RAPGEF4: variants seen among roughly 807,000 people sequenced by gnomAD.
RAPGEF4 encodes the protein Rap guanine nucleotide exchange factor 4.
RAPGEF4 carries 66 observed loss-of-function variants against 147.9 expected under a neutral mutation model. That is an observed-to-expected ratio of 0.45 (90% CI 0.37 to 0.55). RAPGEF4 has a LOEUF of 0.55. Among genes scored for constraint, RAPGEF4 ranks in the 20% least tolerant of loss-of-function variants. The pLI is 0.00. For missense variants in RAPGEF4, 1,071 were observed against 1,257.3 expected, an observed-to-expected ratio of 0.85 and a Z score of 2.24; for synonymous variants, 419 against 442.7, an observed-to-expected ratio of 0.95 and a Z score of 0.67.
At chr2:172,904,231 C>T (rs559490152) in intron 4 of RAPGEF4, among the ~76,000 whole-genome samples, 1 of 152,238 alleles carries the variant, frequency 6.6e-6, no homozygotes, top group East Asian at 1.9e-4. Flanking sequence ...ATATTCATCA[C>T]CCCTTGAAGA....
At chr2:172,959,103 A>G (rs1689027827) in intron 6 of RAPGEF4, among the ~76,000 whole-genome samples, 1 of 152,232 alleles carries the variant, frequency 6.6e-6, no homozygotes, top group African/African-American at 2.4e-5. Flanking sequence ...TCAGTTTTCC[A>G]TGACTGCTAT....
intron 4 of RAPGEF4, among the ~76,000 whole-genome samples, chr2:172,913,520 T>A (rs1047606805): frequency 2.0e-5 from 3 of 152,178 alleles, no homozygotes; most frequent in African/African-American, 7.2e-5. Flanking sequence ...AGCTGGGAGC[T>A]AGAATTATCT....
At chr2:173,011,130 T>A (rs1694958047) in intron 17 of RAPGEF4, among the ~76,000 whole-genome samples, 1 of 149,970 alleles carries the variant, frequency 6.7e-6, no homozygotes, top group South Asian at 2.1e-4. Context: ...CTAAACATGC[T>A]GAATCAGCTG....
chr2:172,914,090 G>A (rs1254423395), intron 4 of RAPGEF4, among the ~76,000 whole-genome samples: 3 of 152,108 alleles, frequency 2.0e-5, no homozygotes, highest in South Asian at 4.2e-4. Flanking sequence ...TCTTTGTCAT[G>A]GCGTCATACT....
chr2:172,826,613 C>T (rs146357145), intron 4 of RAPGEF4, among the ~76,000 whole-genome samples: 248 of 152,272 alleles, frequency 1.6e-3, no homozygotes, highest in African/African-American at 5.7e-3. Context: ...TAGAGATACA[C>T]CTGTTCCCAG....
intron 4 of RAPGEF4, among the ~76,000 whole-genome samples, chr2:172,866,676 A>G (rs2149795253): frequency 6.6e-6 from 1 of 152,090 alleles, no homozygotes; most frequent in South Asian, 2.1e-4. Context: ...TTTTAACCCC[A>G]AAATGGTGCA....
At chr2:172,946,006 G>GT (rs538096154) in intron 6 of RAPGEF4, among the ~76,000 whole-genome samples, 66 of 152,264 alleles carry the variant, frequency 4.3e-4, no homozygotes, top group African/African-American at 1.5e-3. Flanking sequence ...ATATGAGTGG[G>GT]TAAGGGGAAC....
intron 6 of RAPGEF4, among the ~76,000 whole-genome samples, chr2:172,931,015 C>G (rs1031525694): frequency 6.6e-6 from 1 of 151,928 alleles, no homozygotes; most frequent in Non-Finnish European, 1.5e-5. Context: ...AATCCATGTC[C>G]CTAGAAGCGC....
chr2:172,823,712 G>A (rs1204911845), intron 4 of RAPGEF4, among the ~76,000 whole-genome samples: 1 of 152,182 alleles, frequency 6.6e-6, no homozygotes, highest in Non-Finnish European at 1.5e-5. Flanking sequence ...CACTAAGTTC[G>A]CTTCTCCAAA....
At chr2:172,838,304 T>C (rs138109835) in intron 4 of RAPGEF4, among the ~76,000 whole-genome samples, 1 of 152,222 alleles carries the variant, frequency 6.6e-6, no homozygotes, top group East Asian at 1.9e-4. Context: ...GTACACTTCA[T>C]AGAAAGATCA....
At chr2:172,961,752 T>C (rs1274107191) in intron 8 of RAPGEF4, among the ~76,000 whole-genome samples, 1 of 152,206 alleles carries the variant, frequency 6.6e-6, no homozygotes, top group East Asian at 1.9e-4. Context: ...GATTTCCAGA[T>C]TCAGTGATCA....
intron 4 of RAPGEF4, among the ~76,000 whole-genome samples, chr2:172,844,374 A>C (rs1691947496): frequency 6.6e-6 from 1 of 152,164 alleles, no homozygotes; most frequent in Admixed American, 6.5e-5. Flanking sequence ...TGGGCCCTGG[A>C]AAGTGAGGCA....
At chr2:172,931,446 T>C (rs115373308) in intron 6 of RAPGEF4, among the ~76,000 whole-genome samples, 1,904 of 152,234 alleles carry the variant, frequency 0.013, 30 homozygotes, top group African/African-American at 0.042. Context: ...CTTGGTTCAA[T>C]TCTCAGTTCT....
At chr2:172,854,780 C>CAAGG (rs1693229199) in intron 4 of RAPGEF4, among the ~76,000 whole-genome samples, 3 of 151,800 alleles carry the variant, frequency 2.0e-5, no homozygotes, top group Admixed American at 1.3e-4. Flanking sequence ...GGATGCAAGG[C>CAAGG]CAACAAAAAT....
chr2:172,922,467 G>C (rs1381522850), intron 6 of RAPGEF4, among the ~76,000 whole-genome samples, 167 bp downstream of exon 6: 1 of 152,194 alleles, frequency 6.6e-6, no homozygotes, highest in African/African-American at 2.4e-5. Flanking sequence ...AAATAGAAAG[G>C]GGAGAAGGTT....
At chr2:172,926,607 C>T (rs915775243) in intron 6 of RAPGEF4, among the ~76,000 whole-genome samples, 3 of 152,092 alleles carry the variant, frequency 2.0e-5, no homozygotes, top group Non-Finnish European at 2.9e-5. Flanking sequence ...GAGTCTCGCT[C>T]TGTCACCAGG....
intron 1 of RAPGEF4, among the ~76,000 whole-genome samples, chr2:172,765,214 C>G (rs912851247): frequency 6.6e-6 from 1 of 152,184 alleles, no homozygotes; most frequent in Non-Finnish European, 1.5e-5. Flanking sequence ...CAGAAGGACA[C>G]TGGTCATATT....
At chr2:172,805,310 C>A (rs1687385586) in intron 3 of RAPGEF4, among the ~76,000 whole-genome samples, 2 of 152,170 alleles carry the variant, frequency 1.3e-5, no homozygotes, top group Non-Finnish European at 2.9e-5. Context: ...TTGTTACTGC[C>A]TTGAAAACGT....
rs116591937 is a variant in RAPGEF4 at position 172,777,106 on chromosome 2, C to T, written c.66-17919C>T. 6.6e-3 allele frequency among the ~76,000 whole-genome samples: 1,003 copies of T among 152,230 alleles called. 13 individuals carry two copies. The highest frequency in any genetic ancestry group is 0.022 in the African/African-American group (917 of 41,536). On this transcript the variant is annotated intron_variant, in intron 1 of 30. Coordinates refer to ENST00000397081, the MANE Select transcript of RAPGEF4 (RefSeq NM_007023.4). ...GGCAGTTAATGTCCTGGCCAATCAG[C>T]TTGATTCTGTTTGGCTTATTTTTAA...
Sources: gnomAD v4.1 joint callset for allele counts (sites outside exome capture counted in the v4.1 genomes callset) on GRCh38, gnomAD v4.1.1 for gene constraint, MANE v1.5 for transcripts, NCBI Gene and HGNC (gene_info 2026-07-23, HGNC 2026-07-21) for gene names.